The following KHDRBS2 variants were observed in gnomAD, a reference collection of about 807,000 sequenced individuals.
KHDRBS2 encodes KH domain-containing, RNA-binding, signal transduction-associated protein 2.
A neutral mutation model predicts 44.3 loss-of-function variants in KHDRBS2; 26 were observed. That is an observed-to-expected ratio of 0.59 (90% confidence interval 0.43 to 0.81). The LOEUF is 0.81. Among genes scored for constraint, KHDRBS2 ranks in the 40% least tolerant of loss-of-function variants. KHDRBS2 has a pLI of 0.00. For missense variants in KHDRBS2, 476 were observed against 433.1 expected, an observed-to-expected ratio of 1.10 and a Z score of -0.88; for synonymous variants, 194 against 151.1, an observed-to-expected ratio of 1.28 and a Z score of -2.08.
At chr6:61,934,833 A>T (rs1463367458) in intron 4 of KHDRBS2, among the ~76,000 whole-genome samples, 1 of 152,182 alleles carries the variant, frequency 6.6e-6, no homozygotes, top group Non-Finnish European at 1.5e-5. Flanking sequence ...ACAGGGATGT[A>T]AAAACAGACA....
At chr6:62,134,080 C>G (rs961915042) in intron 2 of KHDRBS2, among the ~76,000 whole-genome samples, 1 of 152,094 alleles carries the variant, frequency 6.6e-6, no homozygotes, top group Admixed American at 6.5e-5. Context: ...TAATGAGGAG[C>G]CAAATGTTAA....
intron 4 of KHDRBS2, among the ~76,000 whole-genome samples, chr6:61,919,869 T>C (rs1318770554): frequency 6.6e-6 from 1 of 151,926 alleles, no homozygotes; most frequent in Non-Finnish European, 1.5e-5. Flanking sequence ...CATGGTACTC[T>C]TAACACTAAA....
At chr6:61,551,892 T>C in the KHDRBS2 span, among the ~76,000 whole-genome samples, 3 of 152,172 alleles carry the variant, frequency 2.0e-5, no homozygotes, top group African/African-American at 7.2e-5. Context: ...TTTTCCTAAT[T>C]CTATAAAGAA....
At chr6:61,917,067 C>T (rs1583496245) in intron 4 of KHDRBS2, among the ~76,000 whole-genome samples, 1 of 144,770 alleles carries the variant, frequency 6.9e-6, no homozygotes, top group South Asian at 2.2e-4. Context: ...CATACTCTTA[C>T]CATATGATCC....
the KHDRBS2 span, among the ~76,000 whole-genome samples, chr6:61,632,216 C>T: frequency 6.6e-6 from 1 of 151,804 alleles, no homozygotes; most frequent in South Asian, 2.1e-4. Context: ...TTTGATATAC[C>T]TAAATGTTAT....
At chr6:62,031,460 A>G (rs1041826981) in intron 3 of KHDRBS2, among the ~76,000 whole-genome samples, 2 of 152,062 alleles carry the variant, frequency 1.3e-5, no homozygotes, top group Admixed American at 1.3e-4. Flanking sequence ...CCCCAATTCC[A>G]GGACTTGAAT....
At chr6:62,155,660 G>A (rs1816196376) in intron 2 of KHDRBS2, among the ~76,000 whole-genome samples, 1 of 152,100 alleles carries the variant, frequency 6.6e-6, no homozygotes, top group Non-Finnish European at 1.5e-5. Flanking sequence ...CAACTTCATT[G>A]CTAAACTATT....
intron 3 of KHDRBS2, among the ~76,000 whole-genome samples, chr6:62,008,641 A>G (rs1049434781): frequency 8.5e-5 from 13 of 152,132 alleles, no homozygotes; most frequent in Non-Finnish European, 1.6e-4. Context: ...AGCTCCCATA[A>G]TTCCCATGTG....
At chr6:61,933,095 A>C (rs1202337460) in intron 4 of KHDRBS2, among the ~76,000 whole-genome samples, 1 of 152,178 alleles carries the variant, frequency 6.6e-6, no homozygotes, top group East Asian at 1.9e-4. Context: ...TACAGAAAGT[A>C]TGGGTGGGGA....
intron 6 of KHDRBS2, among the ~76,000 whole-genome samples, chr6:61,743,323 G>A (rs1426879620): frequency 6.6e-6 from 1 of 151,952 alleles, no homozygotes; most frequent in South Asian, 2.1e-4. Context: ...AACAGATTAG[G>A]AAAATGAGAA....
chr6:62,076,603 T>G (rs965339617), intron 2 of KHDRBS2, among the ~76,000 whole-genome samples: 3 of 152,028 alleles, frequency 2.0e-5, no homozygotes, highest in Non-Finnish European at 4.4e-5. Context: ...ATTATTTAAA[T>G]GCCAGATTAA....
intron 6 of KHDRBS2, among the ~76,000 whole-genome samples, chr6:61,862,016 T>A (rs1797059676): frequency 1.3e-5 from 2 of 152,116 alleles, no homozygotes; most frequent in Non-Finnish European, 2.9e-5. Context: ...TCCCTGCTTG[T>A]CTATTGTTGG....
At chr6:62,254,093 T>C (rs1166623894) in intron 1 of KHDRBS2, among the ~76,000 whole-genome samples, 3 of 151,990 alleles carry the variant, frequency 2.0e-5, no homozygotes, top group Admixed American at 2.0e-4. Context: ...GTAGGAACAG[T>C]GTTGAAAAAA....
At chr6:61,663,098 T>C in the KHDRBS2 span, among the ~76,000 whole-genome samples, 5,092 of 151,454 alleles carry the variant, frequency 0.034, 276 homozygotes, top group African/African-American at 0.12. Flanking sequence ...ATGTCCTTTG[T>C]AGGGACATGG....
the KHDRBS2 span, chr6:61,661,171 C>T: frequency 6.6e-6 from 1 of 151,752 alleles, no homozygotes; most frequent in Admixed American, 6.6e-5. Flanking sequence ...CTGATGCAAA[C>T]AGCTACTTTA....
chr6:62,021,655 A>T (rs1411491164), intron 3 of KHDRBS2, among the ~76,000 whole-genome samples: 1 of 151,698 alleles, frequency 6.6e-6, no homozygotes, highest in African/African-American at 2.4e-5. Context: ...TCTTAATTAT[A>T]TTCTTAAGAT....
At chr6:61,763,946 A>C (rs1180629783) in intron 6 of KHDRBS2, among the ~76,000 whole-genome samples, 1 of 152,116 alleles carries the variant, frequency 6.6e-6, no homozygotes, top group African/African-American at 2.4e-5. Context: ...TAAGCCCCGC[A>C]TGCATTAGCT....
chr6:62,033,487 C>A (rs1219468094), intron 3 of KHDRBS2, among the ~76,000 whole-genome samples: 1 of 151,736 alleles, frequency 6.6e-6, no homozygotes, highest in Non-Finnish European at 1.5e-5. Flanking sequence ...AAATAACATA[C>A]AATGGAGCTC....
intron 6 of KHDRBS2, among the ~76,000 whole-genome samples, chr6:61,772,144 T>G (rs1050355277): frequency 6.6e-6 from 1 of 151,856 alleles, no homozygotes; most frequent in African/African-American, 2.4e-5. Flanking sequence ...GACACAACAT[T>G]GAACACATTG....
Sources: gnomAD v4.1 joint callset for allele counts (sites outside exome capture counted in the v4.1 genomes callset) on GRCh38, gnomAD v4.1.1 for gene constraint, MANE v1.5 for transcripts, NCBI Gene and HGNC (gene_info 2026-07-23, HGNC 2026-07-21) for gene names.